Variants in UNC13C observed in about 807,000 individuals in gnomAD.
The protein encoded by UNC13C is protein unc-13 homolog C.
Under a neutral mutation model 245.4 loss-of-function variants are expected in UNC13C, and 174 were observed. The ratio of observed to expected loss-of-function variants is 0.71; its 90% CI spans 0.63 to 0.80. The LOEUF (loss-of-function observed/expected upper bound fraction) is 0.80, where lower values mean the gene tolerates loss of function less well. Among genes scored for constraint, UNC13C ranks in the 30% least tolerant of loss-of-function variants. The pLI is 0.00. For missense variants in UNC13C, 2,829 were observed against 2,602.9 expected (o/e 1.09, Z -1.89); for synonymous variants, 992 against 895.1 (o/e 1.11, Z -1.93).
chr15:54,544,481 C>G (rs951721337), intron 26 of UNC13C, among the ~76,000 whole-genome samples: 2 of 152,114 alleles, frequency 1.3e-5, no homozygotes, highest in African/African-American at 4.8e-5. Flanking sequence ...AAAGGATATT[C>G]AAATAGGAAA....
At chr15:54,401,034 T>G (rs2040172042) in intron 18 of UNC13C, among the ~76,000 whole-genome samples, 1 of 152,188 alleles carries the variant, frequency 6.6e-6, no homozygotes, top group African/African-American at 2.4e-5. Flanking sequence ...TTCTTCAACA[T>G]TTATTCATTA....
At chr15:54,294,869 A>G (rs2037388524) in intron 11 of UNC13C, among the ~76,000 whole-genome samples, 1 of 152,182 alleles carries the variant, frequency 6.6e-6, no homozygotes, top group Non-Finnish European at 1.5e-5. Context: ...TTAACAAATT[A>G]AAAAGTGCTT....
chr15:54,449,358 C>A (rs1052002106), intron 19 of UNC13C, among the ~76,000 whole-genome samples: 2 of 152,170 alleles, frequency 1.3e-5, no homozygotes, highest in African/African-American at 4.8e-5. Flanking sequence ...CGGATAATAT[C>A]CTGCACAGTG....
At chr15:53,869,196 C>A in the UNC13C span, among the ~76,000 whole-genome samples, 1 of 152,146 alleles carries the variant, frequency 6.6e-6, no homozygotes, top group African/African-American at 2.4e-5. Flanking sequence ...TTTGAAGATA[C>A]AAAGCTTTAG....
chr15:54,470,372 C>G (rs1240552955), intron 19 of UNC13C, among the ~76,000 whole-genome samples: 1 of 151,384 alleles, frequency 6.6e-6, no homozygotes, highest in African/African-American at 2.4e-5. Flanking sequence ...GCTTCTGGTC[C>G]TGGACTTTTC....
chr15:54,252,288 T>C (rs1452778813), intron 8 of UNC13C, among the ~76,000 whole-genome samples: 1 of 152,186 alleles, frequency 6.6e-6, no homozygotes, highest in East Asian at 1.9e-4. Flanking sequence ...TTCGTTAAAC[T>C]GTAGAAACAT....
At chr15:54,224,154 G>T (rs992014035) in intron 4 of UNC13C, among the ~76,000 whole-genome samples, 2 of 152,010 alleles carry the variant, frequency 1.3e-5, no homozygotes, top group Non-Finnish European at 2.9e-5. Flanking sequence ...CTCCAGCTAG[G>T]ACTTCCAGTA....
At chr15:54,185,161 G>T (rs1056667170) in intron 4 of UNC13C, among the ~76,000 whole-genome samples, 2 of 151,662 alleles carry the variant, frequency 1.3e-5, no homozygotes, top group Non-Finnish European at 2.9e-5. Flanking sequence ...TGTAGATTCT[G>T]GATATTAGCC....
intron 15 of UNC13C, among the ~76,000 whole-genome samples, chr15:54,332,337 GTT>G (rs1491492342): frequency 8.8e-4 from 133 of 151,328 alleles, no homozygotes; most frequent in African/African-American, 3.2e-3. Flanking sequence ...GTGTGTGTGT[GTT>G]TGTGTATGCA....
chr15:54,079,120 T>A (rs1898796606), intron 2 of UNC13C, among the ~76,000 whole-genome samples: 1 of 152,142 alleles, frequency 6.6e-6, no homozygotes, highest in Non-Finnish European at 1.5e-5. Flanking sequence ...CAGTTGGTTA[T>A]AGGTGTGTGA....
At chr15:53,963,219 T>G in the UNC13C span, among the ~76,000 whole-genome samples, 2 of 152,150 alleles carry the variant, frequency 1.3e-5, no homozygotes, top group African/African-American at 4.8e-5. Context: ...CTCACACAAT[T>G]ATTTTGGGGG....
chr15:54,410,256 A>G (rs1426777496), intron 18 of UNC13C, among the ~76,000 whole-genome samples: 1 of 152,094 alleles, frequency 6.6e-6, no homozygotes, highest in East Asian at 1.9e-4. Context: ...TAAGTTTCTT[A>G]CAGATTCTGG....
chr15:53,862,150 G>C, the UNC13C span, among the ~76,000 whole-genome samples: 4 of 152,102 alleles, frequency 2.6e-5, no homozygotes, highest in African/African-American at 9.7e-5. Context: ...TCTATTCCTG[G>C]CTTGTAGACA....
chr15:54,396,305 G>T (rs376757091), intron 18 of UNC13C, among the ~76,000 whole-genome samples: 5 of 151,538 alleles, frequency 3.3e-5, no homozygotes, highest in African/African-American at 9.7e-5. Context: ...CTAATACTAT[G>T]AATTAGTTTG....
chr15:53,936,545 G>A, the UNC13C span, among the ~76,000 whole-genome samples: 3 of 152,198 alleles, frequency 2.0e-5, no homozygotes, highest in Non-Finnish European at 2.9e-5. Context: ...TTCTTTAAGT[G>A]AGACCCTGGT....
chr15:54,004,064 G>A (rs977599176), intron 1 of UNC13C, among the ~76,000 whole-genome samples: 1 of 152,042 alleles, frequency 6.6e-6, no homozygotes, highest in Non-Finnish European at 1.5e-5. Flanking sequence ...AACTCTTACA[G>A]ACTATAGTCG....
At chr15:54,107,740 C>A (rs1038126493) in intron 2 of UNC13C, among the ~76,000 whole-genome samples, 3 of 152,132 alleles carry the variant, frequency 2.0e-5, no homozygotes, top group Non-Finnish European at 2.9e-5. Context: ...TACTAAATAG[C>A]ATGATTCCCA....
At chr15:54,003,404 TG>T (rs1894987690) in intron 1 of UNC13C, among the ~76,000 whole-genome samples, 1 of 152,170 alleles carries the variant, frequency 6.6e-6, no homozygotes, top group South Asian at 2.1e-4. Context: ...TAGCTGGGAA[TG>T]GGGTCGGGCC....
At chr15:54,380,600 C>G (rs1460711457) in intron 17 of UNC13C, among the ~76,000 whole-genome samples, 1 of 151,994 alleles carries the variant, frequency 6.6e-6, no homozygotes, top group Non-Finnish European at 1.5e-5. Flanking sequence ...CGAGAGTTCT[C>G]TTTATGTCCT....
Sources: gnomAD v4.1 joint callset for allele counts (sites outside exome capture counted in the v4.1 genomes callset) on GRCh38, gnomAD v4.1.1 for gene constraint, MANE v1.5 for transcripts, NCBI Gene and HGNC (gene_info 2026-07-23, HGNC 2026-07-21) for gene names.